Variants in CYBRD1 observed in about 807,000 individuals in gnomAD.
CYBRD1 encodes the protein plasma membrane ascorbate-dependent reductase CYBRD1.
CYBRD1 carries 14 observed loss-of-function variants against 21.9 expected under a neutral mutation model. That is an observed-to-expected ratio of 0.64 (90% CI 0.42 to 1.00). The LOEUF (loss-of-function observed/expected upper bound fraction) is 1.00. CYBRD1 is among the 50% of genes least tolerant of loss of function. The pLI, the probability that CYBRD1 is intolerant of heterozygous loss-of-function variation, is 0.00. For missense variants in CYBRD1, 328 were observed against 352.5 expected (o/e 0.93, Z 0.56); for synonymous variants, 146 against 136.5 (o/e 1.07, Z -0.48).
At chr2:171,544,176 C>T (rs1283601350) in intron 2 of CYBRD1, among the ~76,000 whole-genome samples, 2 of 152,154 alleles carry the variant, frequency 1.3e-5, no homozygotes, top group African/African-American at 4.8e-5. Flanking sequence ...TTCTAAGACA[C>T]ACCTGTTTGT....
chr2:171,523,013 C>T, intron 1 of CYBRD1: 4 of 492,792 alleles, frequency 8.1e-6, no homozygotes, highest in East Asian at 4.1e-5. Context: ...CGGAGCGGGG[C>T]CGGCCCCACT....
At chr2:171,540,642 G>T (rs1220465485) in intron 1 of CYBRD1, among the ~76,000 whole-genome samples, 2 of 151,970 alleles carry the variant, frequency 1.3e-5, no homozygotes, top group Admixed American at 6.6e-5. Flanking sequence ...TTGATACTTG[G>T]TGTTTTCCAG....
At chr2:171,545,908 C>T (rs1434545505) in intron 2 of CYBRD1, among the ~76,000 whole-genome samples, 2 of 152,048 alleles carry the variant, frequency 1.3e-5, no homozygotes, top group Non-Finnish European at 2.9e-5. Context: ...AAACACCCTA[C>T]CTTAAGTTTT....
chr2:171,542,864 G>C (rs1242794131), intron 2 of CYBRD1, among the ~76,000 whole-genome samples: 2 of 152,116 alleles, frequency 1.3e-5, no homozygotes, highest in African/African-American at 4.8e-5. Flanking sequence ...CTGGGCAACA[G>C]AGCCAGACCC....
chr2:171,531,477 T>C (rs1332941985), intron 1 of CYBRD1, among the ~76,000 whole-genome samples: 1 of 152,118 alleles, frequency 6.6e-6, no homozygotes, highest in Non-Finnish European at 1.5e-5. Flanking sequence ...ATACAGGGTC[T>C]TGCTCTGTCA....
In CYBRD1 at chr2:171,554,720, T is replaced by A; in HGVS notation, c.754T>A (p.Tyr252Asn). ...EQGARGSMPAYSGNNMDKSDS... is the reference protein window; with the variant it reads ...EQGARGSMPANSGNNMDKSDS... Reference sequence around the variant, plus strand: ...GGGAGCAAGAGGTTCCATGCCAGCCTACTCTGGCAACAACATGGACAAATC... The same window carrying A: ...GGGAGCAAGAGGTTCCATGCCAGCCAACTCTGGCAACAACATGGACAAATC... Residue 252 changes from tyrosine to asparagine, a missense_variant, in exon 4 of 4, where the codon TAC becomes AAC. Tyr to Asn is a moderately radical substitution (Grantham distance 143). Transcript: ENST00000321348. 6.2e-7 allele frequency: 1 copy of A among 1,614,040 alleles called. No homozygotes were observed. The highest frequency in any genetic ancestry group is 8.5e-7 in the Non-Finnish European group (1 of 1,179,958).
At chr2:171,527,252 A>AT (rs890128687) in intron 1 of CYBRD1, among the ~76,000 whole-genome samples, 2 of 152,196 alleles carry the variant, frequency 1.3e-5, no homozygotes, top group Non-Finnish European at 2.9e-5. Context: ...TCCCCAACAT[A>AT]TTTTTTGTTG....
intron 1 of CYBRD1, among the ~76,000 whole-genome samples, chr2:171,531,302 A>G (rs1218980386): frequency 3.9e-5 from 6 of 152,114 alleles, no homozygotes; most frequent in African/African-American, 1.4e-4. Flanking sequence ...TGTTCATTCA[A>G]TTTCTTCATA....
intron 2 of CYBRD1, among the ~76,000 whole-genome samples, chr2:171,547,483 G>C (rs1238339525): frequency 2.7e-5 from 4 of 148,760 alleles, no homozygotes; most frequent in Non-Finnish European, 5.9e-5. Flanking sequence ...TGAGAAGTTT[G>C]GGCTTATGGA....
rs993353807 is a variant in CYBRD1 at position 171,556,812 on chromosome 2, A to G, written c.*1985A>G. ...GAGCATGGTACAGTCTTGGTGCCAT[A>G]GAAGGAGTAGTTGCATAGTCACACA... On this transcript the variant is annotated 3_prime_UTR_variant, in exon 4 of 4. Transcript: ENST00000321348. The G allele has an allele frequency of 6.6e-6, 1 of 152,236 alleles. No individual in the cohort carries two copies. The highest frequency in any genetic ancestry group is 2.4e-5 in the African/African-American group (1 of 41,470). 9.4% of individuals were successfully genotyped at this position (152,236 alleles called of 1,614,324 possible). A position where few individuals can be genotyped will look rare whatever the true frequency, so the allele number is the denominator to read the frequency against.
intron 2 of CYBRD1, among the ~76,000 whole-genome samples, chr2:171,545,182 A>G (rs1419417023): frequency 6.6e-6 from 1 of 151,174 alleles, no homozygotes; most frequent in Non-Finnish European, 1.5e-5. Context: ...TTTTTATTTT[A>G]AAGAGAATGC....
intron 1 of CYBRD1, among the ~76,000 whole-genome samples, chr2:171,525,922 G>GGGCAACAA (rs1448790374): frequency 1.4e-5 from 2 of 139,240 alleles, no homozygotes; most frequent in African/African-American, 5.5e-5. Flanking sequence ...ACTTCAGCCT[G>GGGCAACAA]GGCAACAAGA....
chr2:171,522,327 G>A, upstream of CYBRD1: 1 of 1,524,696 alleles, frequency 6.6e-7, no homozygotes, highest in African/African-American at 1.4e-5. This position sits in a 1 kb window ranked among gnomAD's most constrained non-coding sequence, Gnocchi z 4.3. Flanking sequence ...CTCGGCGGCC[G>A]CGTGATCCCG....
In CYBRD1 at chr2:171,556,707, G is replaced by A. The variant is rs1003688997; in HGVS notation, c.*1880G>A. The A allele has an allele frequency of 3.3e-5, 5 of 152,084 alleles. No individual in the cohort carries two copies. The highest frequency in any genetic ancestry group is 1.3e-4 in the Admixed American group (2 of 15,240). The allele number at this position is 152,084 out of a possible 1,614,324, so 9.4% of individuals were successfully genotyped here. A position where few individuals can be genotyped will look rare whatever the true frequency, so the allele number is the denominator to read the frequency against. On this transcript the variant is annotated 3_prime_UTR_variant, in exon 4 of 4. Coordinates refer to ENST00000321348, the MANE Select transcript of CYBRD1 (RefSeq NM_024843.4). ...CTACTAAATTCTATTTCCAAAATTG[G>A]TAATAGAGCCAGAAGGATCCCCAGT... is the stretch of plus-strand genomic sequence containing the variant.
intron 2 of CYBRD1, among the ~76,000 whole-genome samples, chr2:171,549,768 C>T (rs1277156464): frequency 1.3e-5 from 2 of 152,088 alleles, no homozygotes; most frequent in African/African-American, 4.8e-5. Context: ...TTTATTTTTC[C>T]TTAGCTCTTA....
intron 1 of CYBRD1, among the ~76,000 whole-genome samples, chr2:171,524,219 G>A (rs1697353259): frequency 7.3e-6 from 1 of 136,216 alleles, no homozygotes; most frequent in African/African-American, 2.8e-5. Context: ...ATCAGGGTGT[G>A]AGCACCACTG....
chr2:171,537,386 G>A (rs961169124), intron 1 of CYBRD1, among the ~76,000 whole-genome samples: 5 of 152,112 alleles, frequency 3.3e-5, no homozygotes, highest in African/African-American at 1.2e-4. Context: ...GCTTAGAGGA[G>A]AAAAAGCATG....
At position 171,554,611 on chromosome 2, in the gene CYBRD1, T is replaced by C; in HGVS notation, c.645T>C (p.Ile215=). 1.2e-6 allele frequency: 2 copies of C among 1,614,064 alleles called. No homozygotes were observed. Among genetic ancestry groups the C allele is most frequent in the South Asian group, 2.2e-5 (2 of 91,084 alleles). ...TGATCCTGGTGTTCGGGGCCCTCAT[T>C]TTTTGGATAGTCACCAGACCGCAAT... The part of the protein sequence containing the change: ...GLLILVFGAL[I]FWIVTRPQWK... The change falls in exon 4 of 4, where the codon ATT becomes ATC. Residue 215 remains isoleucine, a synonymous_variant. Coordinates refer to ENST00000321348, the MANE Select transcript of CYBRD1 (RefSeq NM_024843.4).
intron 2 of CYBRD1, among the ~76,000 whole-genome samples, chr2:171,552,481 T>C (rs1411462370): frequency 6.6e-6 from 1 of 152,214 alleles, no homozygotes; most frequent in African/African-American, 2.4e-5. Context: ...TGAACAGTGA[T>C]GTTAGTGCTT....
Sources: gnomAD v4.1 joint callset for allele counts (sites outside exome capture counted in the v4.1 genomes callset) on GRCh38, gnomAD v4.1.1 for gene constraint, Gnocchi (gnomAD v3.1) non-coding constraint, MANE v1.5 for transcripts, NCBI Gene and HGNC (gene_info 2026-07-23, HGNC 2026-07-21) for gene names.